Variants in ELAPOR2 observed in about 807,000 individuals in gnomAD.
ELAPOR2 encodes the protein endosome-lysosome associated apoptosis and autophagy regulator family member 2, also known as endosome/lysosome-associated apoptosis and autophagy regulator family member 2.
Under a neutral mutation model 120.7 loss-of-function variants are expected in ELAPOR2, and 89 were observed. The observed-to-expected ratio is 0.74, with a 90% CI of 0.62 to 0.88. ELAPOR2 has a LOEUF of 0.88. Among genes scored for constraint, ELAPOR2 ranks in the 40% least tolerant of loss-of-function variants. The pLI is 0.00. For missense variants in ELAPOR2, 1,134 were observed against 1,251.6 expected (o/e 0.91, Z 1.42); for synonymous variants, 444 against 444.9 (o/e 1.00, Z 0.03).
At position 86,966,491 on chromosome 7, in the gene ELAPOR2, C is replaced by A. The variant is rs920260945; in HGVS notation, c.190-1467G>T. On this transcript the variant is annotated intron_variant, in intron 1 of 21. Coordinates refer to ENST00000450689, the MANE Select transcript of ELAPOR2 (RefSeq NM_001142749.3). ...CAGTCTCTAAAATCCACATTTCTACCAACAGTCTGTTCAAGGCCATCTAGA... is the reference window on the plus strand; with the variant it reads ...CAGTCTCTAAAATCCACATTTCTACAAACAGTCTGTTCAAGGCCATCTAGA... Among the ~76,000 whole-genome samples the A allele has an allele frequency of 1.8e-4, 27 of 151,922 alleles. 1 individual carries two copies. The highest frequency in any genetic ancestry group is 6.3e-4 in the African/African-American group (26 of 41,250).
At chr7:86,952,599 AT>A (rs1167248977) in intron 2 of ELAPOR2, among the ~76,000 whole-genome samples, 2 of 152,174 alleles carry the variant, frequency 1.3e-5, no homozygotes, top group Admixed American at 6.5e-5. Flanking sequence ...TTTCTTGTGG[AT>A]TTTTAATGTA....
intron 1 of ELAPOR2, among the ~76,000 whole-genome samples, chr7:87,032,707 C>T (rs182547191): frequency 9.0e-4 from 137 of 152,278 alleles, no homozygotes; most frequent in African/African-American, 3.2e-3. Flanking sequence ...TTCTTTAAAA[C>T]ATTCTCCTAA....
chr7:86,906,432 G>A (rs1388391152), intron 18 of ELAPOR2, among the ~76,000 whole-genome samples: 2 of 152,048 alleles, frequency 1.3e-5, no homozygotes, highest in African/African-American at 4.8e-5. Context: ...CACGCAGTTG[G>A]TGAAAAGAGA....
intron 1 of ELAPOR2, among the ~76,000 whole-genome samples, chr7:87,044,622 A>G (rs1205018455): frequency 1.3e-5 from 2 of 151,842 alleles, no homozygotes; most frequent in East Asian, 1.9e-4. Flanking sequence ...TGGATTAAAG[A>G]CTTAAATGTT....
At chr7:86,933,774 A>G (rs1412512852) in intron 8 of ELAPOR2, among the ~76,000 whole-genome samples, 1 of 152,022 alleles carries the variant, frequency 6.6e-6, no homozygotes, top group African/African-American at 2.4e-5. Context: ...CCACTTCTCA[A>G]TTCCATGACC....
At chr7:87,005,205 TGAACAAAAG>T (rs1258600583) in intron 1 of ELAPOR2, among the ~76,000 whole-genome samples, 1 of 151,906 alleles carries the variant, frequency 6.6e-6, no homozygotes, top group Non-Finnish European at 1.5e-5. Context: ...ACCAAACAAA[TGAACAAAAG>T]GAAAAAAAGA....
At chr7:86,986,415 C>T (rs1167182462) in intron 1 of ELAPOR2, among the ~76,000 whole-genome samples, 3 of 100,238 alleles carry the variant, frequency 3.0e-5, no homozygotes, top group Admixed American at 9.3e-5. Flanking sequence ...GGCGACAGAG[C>T]GAGACTCCGT....
intron 18 of ELAPOR2, among the ~76,000 whole-genome samples, chr7:86,902,078 T>G (rs985305784): frequency 1.3e-5 from 2 of 152,216 alleles, no homozygotes; most frequent in Admixed American, 6.5e-5. Flanking sequence ...CAGTGTCTGG[T>G]GAGGGCTTGC....
At chr7:86,971,069 A>G (rs1441823088) in intron 1 of ELAPOR2, among the ~76,000 whole-genome samples, 2 of 152,188 alleles carry the variant, frequency 1.3e-5, no homozygotes, top group East Asian at 1.9e-4. Context: ...AGAAAGATCC[A>G]GCTTAGACTA....
At chr7:86,964,705 A>G (rs981433844) in intron 2 of ELAPOR2, among the ~76,000 whole-genome samples, 199 bp downstream of exon 2, 1 of 152,230 alleles carries the variant, frequency 6.6e-6, no homozygotes, top group African/African-American at 2.4e-5. Context: ...ACATTCTTTA[A>G]TATTGCCTTT....
intron 2 of ELAPOR2, among the ~76,000 whole-genome samples, chr7:86,955,079 C>A (rs1195157678): frequency 1.3e-5 from 2 of 151,902 alleles, no homozygotes; most frequent in Non-Finnish European, 2.9e-5. Flanking sequence ...TTTCACACAC[C>A]AAAAAAGCAG....
At chr7:86,957,872 T>A (rs1413890061) in intron 2 of ELAPOR2, among the ~76,000 whole-genome samples, 3 of 152,052 alleles carry the variant, frequency 2.0e-5, no homozygotes, top group East Asian at 1.9e-4. Context: ...CTCTAAAAAA[T>A]TTATTTTATT....
intron 1 of ELAPOR2, among the ~76,000 whole-genome samples, chr7:86,982,649 A>C (rs1792548293): frequency 6.6e-6 from 1 of 152,184 alleles, no homozygotes; most frequent in Non-Finnish European, 1.5e-5. Flanking sequence ...ACATCAACAA[A>C]AAGGACATCC....
At chr7:86,972,363 T>G (rs1792134446) in intron 1 of ELAPOR2, among the ~76,000 whole-genome samples, 1 of 152,082 alleles carries the variant, frequency 6.6e-6, no homozygotes, top group African/African-American at 2.4e-5. Context: ...CTAACCCTCC[T>G]TTGTTCTCAG....
chr7:87,042,126 C>A (rs1442346219), intron 1 of ELAPOR2, among the ~76,000 whole-genome samples: 14 of 149,478 alleles, frequency 9.4e-5, no homozygotes, highest in Non-Finnish European at 1.3e-4. Context: ...CCTGAGTGAC[C>A]TACAAAGAGA....
chr7:86,950,772 C>A (rs74620416), intron 2 of ELAPOR2, among the ~76,000 whole-genome samples: 2 of 152,220 alleles, frequency 1.3e-5, no homozygotes, highest in Non-Finnish European at 2.9e-5. Flanking sequence ...GGAGGCAGAA[C>A]AAGCCTGGTG....
At chr7:86,996,828 G>A (rs903955462) in intron 1 of ELAPOR2, among the ~76,000 whole-genome samples, 3 of 152,060 alleles carry the variant, frequency 2.0e-5, no homozygotes, top group Admixed American at 1.3e-4. Flanking sequence ...TTCCTCCCAT[G>A]CCTGGCAAAC....
intron 1 of ELAPOR2, among the ~76,000 whole-genome samples, chr7:87,035,082 C>T (rs1794542868): frequency 6.9e-6 from 1 of 145,964 alleles, no homozygotes; most frequent in African/African-American, 2.5e-5. Flanking sequence ...AGTGAAACTC[C>T]GTCTCAAAAA....
chr7:87,022,421 T>A (rs1245830980), intron 1 of ELAPOR2, among the ~76,000 whole-genome samples: 1 of 152,134 alleles, frequency 6.6e-6, no homozygotes, highest in Non-Finnish European at 1.5e-5. Flanking sequence ...CATCATTTTT[T>A]ATGGCTGCAT....
Sources: allele counts gnomAD v4.1 joint callset (sites outside exome capture counted in the v4.1 genomes callset), GRCh38; gene constraint gnomAD v4.1.1; transcripts MANE v1.5; gene names NCBI Gene and HGNC (gene_info 2026-07-23, HGNC 2026-07-21).